TMOD2: variants seen among roughly 807,000 people sequenced by gnomAD.
TMOD2 encodes tropomodulin 2.
TMOD2 carries 22 observed loss-of-function variants against 39.9 expected under a neutral mutation model. The ratio of observed to expected loss-of-function variants is 0.55; its 90% CI spans 0.39 to 0.79. The LOEUF (loss-of-function observed/expected upper bound fraction) is 0.79, where lower values mean the gene tolerates loss of function less well. Ranked by LOEUF, TMOD2 falls within the 30% of genes least tolerant of loss-of-function variation. The probability of loss-of-function intolerance (pLI) is 0.00; values close to 1 mark genes in which losing one functional copy is unlikely to be tolerated. For synonymous variants in TMOD2, 123 were observed against 146.1 expected, an observed-to-expected ratio of 0.84 and a Z score of 1.14; for missense variants, 386 against 413.3, an observed-to-expected ratio of 0.93 and a Z score of 0.57.
chr15:51,780,951 C>A, intron 5 of TMOD2, 93 bp from the exon 6 acceptor site: 2 of 996,110 alleles, frequency 2.0e-6, no homozygotes, highest in Non-Finnish European at 3.0e-6. Flanking sequence ...TTATTGGAAT[C>A]AGCATATGAA....
intron 1 of TMOD2, among the ~76,000 whole-genome samples, chr15:51,762,003 T>C (rs2055784157): frequency 6.6e-6 from 1 of 151,234 alleles, no homozygotes; most frequent in African/African-American, 2.4e-5. Context: ...AAAAAAATTA[T>C]CCGGGCGTGG....
rs553686781 is a variant in TMOD2 at position 51,798,395 on chromosome 15, G to A, written c.876+55G>A. 5.8e-5 allele frequency: 92 copies of A among 1,580,218 alleles called. No individual in the cohort carries two copies. The African/African-American group carries it at 1.1e-3, about 19-fold the overall frequency. ...AACTCACAGGGTGTGCAGTGAGCGG[G>A]GGAAATGCCACAAGGAATGAGTTAA... On this transcript the variant is annotated intron_variant, in intron 8 of 9. Coordinates refer to ENST00000249700, the MANE Select transcript of TMOD2 (RefSeq NM_014548.4).
chr15:51,793,304 G>C (rs1013807048), intron 7 of TMOD2, among the ~76,000 whole-genome samples: 2 of 152,162 alleles, frequency 1.3e-5, no homozygotes, highest in African/African-American at 4.8e-5. Context: ...GGGACTCTCT[G>C]TATTGTATTT....
intron 5 of TMOD2, among the ~76,000 whole-genome samples, chr15:51,778,807 A>G (rs866894088): frequency 1.3e-5 from 2 of 151,928 alleles, no homozygotes; most frequent in Non-Finnish European, 2.9e-5. Flanking sequence ...GGCATGTGCC[A>G]CCACACCCAA....
chr15:51,772,716 C>T (rs868744642), intron 3 of TMOD2, among the ~76,000 whole-genome samples: 1 of 152,220 alleles, frequency 6.6e-6, no homozygotes, highest in African/African-American at 2.4e-5. Context: ...GCTTTGGAGA[C>T]TCTAGAGAGG....
Position 51,759,951 on chromosome 15 carries a change from C to A in TMOD2, c.-69-6422C>A, listed in dbSNP as rs950586605. 7.9e-5 allele frequency among the ~76,000 whole-genome samples: 12 copies of A among 152,328 alleles called. No homozygotes were observed. In the South Asian group the frequency reaches 1.0e-3, roughly 13 times the overall value. On this transcript the variant is annotated intron_variant, in intron 1 of 9. Transcript: ENST00000249700. ...CTTGGGAGATGTGACCTTCTGGACC[C>A]AATCTCCCCCTCCCCTGCTCTCCAG...
intron 8 of TMOD2, among the ~76,000 whole-genome samples, chr15:51,805,147 A>G (rs2056114036): frequency 6.6e-6 from 1 of 151,612 alleles, no homozygotes; most frequent in Non-Finnish European, 1.5e-5. Context: ...TTTAGTAGAA[A>G]CGGCGTTTCA....
intron 7 of TMOD2, among the ~76,000 whole-genome samples, chr15:51,785,525 A>G (rs1169731035): frequency 2.0e-5 from 3 of 152,048 alleles, no homozygotes; most frequent in South Asian, 2.1e-4. Flanking sequence ...TTTCAGCACC[A>G]TGGATGGGAC....
chr15:51,810,000 C>G lies in TMOD2; in HGVS notation c.*1546C>G, dbSNP rs1339463402. On this transcript the variant is annotated 3_prime_UTR_variant, in exon 10 of 10. Coordinates refer to ENST00000249700, the MANE Select transcript of TMOD2 (RefSeq NM_014548.4). ...GTGTCTCTGAAGTCCTTTGAAACATCTCATTATCTTGAAATTTTTTTAATG... is the reference window on the plus strand; with the variant it reads ...GTGTCTCTGAAGTCCTTTGAAACATGTCATTATCTTGAAATTTTTTTAATG... 6.6e-6 allele frequency: 1 copy of G among 152,144 alleles called. No homozygotes were observed. The highest frequency in any genetic ancestry group is 1.5e-5 in the Non-Finnish European group (1 of 68,036). The allele number at this position is 152,144 out of a possible 1,614,324, so 9.4% of individuals were successfully genotyped here. A position where few individuals can be genotyped will look rare whatever the true frequency, so the allele number is the denominator to read the frequency against.
rs1567236169 is a variant in TMOD2 at position 51,766,415 on chromosome 15, G to A, written c.-27G>A. The stretch of plus-strand genomic sequence containing the variant: ...AAACTGGACCATTTAAATGTGCATG[G>A]CCCATGAGAAAGGCTTATAAGAAGC... On this transcript the variant is annotated 5_prime_UTR_variant, in exon 2 of 10. Coordinates refer to ENST00000249700, the MANE Select transcript of TMOD2 (RefSeq NM_014548.4). The A allele has an allele frequency of 6.2e-7, 1 of 1,610,720 alleles. No individual in the cohort carries two copies.
intron 1 of TMOD2, among the ~76,000 whole-genome samples, chr15:51,765,975 C>T (rs2055813817): frequency 6.6e-6 from 1 of 152,164 alleles, no homozygotes; most frequent in East Asian, 1.9e-4. Context: ...CATTGTTCTC[C>T]CCTGTTTTTC....
At chr15:51,799,151 G>T (rs1257197778) in intron 8 of TMOD2, among the ~76,000 whole-genome samples, 1 of 152,184 alleles carries the variant, frequency 6.6e-6, no homozygotes, top group African/African-American at 2.4e-5. Context: ...TCTGGCCATG[G>T]GGAAGGGTCT....
chr15:51,761,074 G>A (rs1429477479), intron 1 of TMOD2, among the ~76,000 whole-genome samples: 2 of 152,168 alleles, frequency 1.3e-5, no homozygotes, highest in Admixed American at 6.5e-5. Context: ...ACAAGAGGGA[G>A]CCATTGTAAG....
intron 8 of TMOD2, among the ~76,000 whole-genome samples, chr15:51,804,326 T>G (rs2056108308): frequency 6.6e-6 from 1 of 152,186 alleles, no homozygotes; most frequent in South Asian, 2.1e-4. Flanking sequence ...TAATGTTAGA[T>G]GAAAAATAAA....
chr15:51,775,570 CTTTTTTT>C (rs869308022), intron 4 of TMOD2, among the ~76,000 whole-genome samples: 7 of 81,208 alleles, frequency 8.6e-5, no homozygotes, highest in South Asian at 9.4e-4. Flanking sequence ...ATTCTTTTTC[CTTTTTTT>C]TTTTTTTTTT....
Position 51,781,114 on chromosome 15 carries a change from C to A in TMOD2, c.564C>A (p.Ser188Arg). 7 of 1,612,686 alleles carry A rather than the reference C, an allele frequency of 4.3e-6. No individual in the cohort carries two copies. Among genetic ancestry groups the A allele is most frequent in the South Asian group, 1.1e-5 (1 of 90,752 alleles). ...CAAATCCCACAAATGTGGAAATAAGCCTGCAGCAGATGAAAGCCAATGATC... is the reference window on the plus strand; with the variant it reads ...CAAATCCCACAAATGTGGAAATAAGACTGCAGCAGATGAAAGCCAATGATC... The part of the protein sequence containing the change: ...EPPNPTNVEI[S>R]LQQMKANDPS... Residue 188 changes from serine to arginine, a missense_variant, in exon 6 of 10, where the codon AGC becomes AGA. Physicochemically the swap from Ser to Arg is moderately radical, Grantham distance 110. Transcript: ENST00000249700.
chr15:51,806,815 CCTT>C (rs2056124724), intron 9 of TMOD2, among the ~76,000 whole-genome samples: 1 of 152,148 alleles, frequency 6.6e-6, no homozygotes, highest in Non-Finnish European at 1.5e-5. Context: ...CATGTAATCT[CCTT>C]CTGTTTTTAT....
intron 3 of TMOD2, among the ~76,000 whole-genome samples, chr15:51,771,646 C>T (rs544467454): frequency 8.0e-4 from 122 of 152,174 alleles, no homozygotes; most frequent in Non-Finnish European, 1.5e-3. Context: ...GCCTGGGTGA[C>T]GGAGTGAGAC....
intron 8 of TMOD2, among the ~76,000 whole-genome samples, chr15:51,803,930 C>A (rs1490129598): frequency 6.6e-6 from 1 of 152,140 alleles, no homozygotes; most frequent in Non-Finnish European, 1.5e-5. Context: ...TAAATTTTCA[C>A]CAACTGTATA....
Sources: gnomAD v4.1 joint callset for allele counts (sites outside exome capture counted in the v4.1 genomes callset) on GRCh38, gnomAD v4.1.1 for gene constraint, MANE v1.5 for transcripts, NCBI Gene and HGNC (gene_info 2026-07-23, HGNC 2026-07-21) for gene names.